DPP10: variants seen among roughly 807,000 people sequenced by gnomAD.
DPP10 encodes the protein inactive dipeptidyl peptidase 10.
In DPP10, 33 loss-of-function variants were observed where a neutral mutation model predicts 120.9. That is an observed-to-expected ratio of 0.27 (90% confidence interval 0.21 to 0.37). DPP10 has a LOEUF of 0.37. Ranked by LOEUF, DPP10 falls within the 10% of genes least tolerant of loss-of-function variation. The probability of loss-of-function intolerance (pLI) is 1.00; values close to 1 mark genes in which losing one functional copy is unlikely to be tolerated. For missense variants in DPP10, 816 were observed against 942.8 expected (o/e 0.87, Z 1.76); for synonymous variants, 337 against 326.1 (o/e 1.03, Z -0.36).
chr2:115,649,231 G>T (rs1340505725), intron 5 of DPP10, among the ~76,000 whole-genome samples: 2 of 152,088 alleles, frequency 1.3e-5, no homozygotes, highest in African/African-American at 4.8e-5. Context: ...AATGTTCTAT[G>T]TGAGAGGAGC....
intron 1 of DPP10, among the ~76,000 whole-genome samples, chr2:115,172,816 G>T (rs939287114): frequency 1.3e-5 from 2 of 152,180 alleles, no homozygotes; most frequent in African/African-American, 4.8e-5. Flanking sequence ...AACTATGTTG[G>T]ATGTTGAAGT....
chr2:114,648,516 G>C (rs1696312611), intron 1 of DPP10, among the ~76,000 whole-genome samples: 1 of 152,078 alleles, frequency 6.6e-6, no homozygotes, highest in Admixed American at 6.5e-5. Flanking sequence ...ACTAAATGTG[G>C]TTCCCTCCCT....
chr2:115,050,188 C>G (rs572269232), intron 1 of DPP10: 2 of 152,224 alleles, frequency 1.3e-5, no homozygotes, highest in African/African-American at 4.8e-5. Context: ...AATTGGGAGA[C>G]CATTTGTTGA....
chr2:115,844,239 C>T lies in DPP10; in HGVS notation c.*1894C>T, dbSNP rs776870740. 6.6e-6 allele frequency: 1 copy of T among 152,358 alleles called. No individual in the cohort carries two copies. The highest frequency in any genetic ancestry group is 6.6e-5 in the Admixed American group (1 of 15,242). The allele number at this position is 152,358 out of a possible 1,614,324, so 9.4% of individuals were successfully genotyped here. A position where few individuals can be genotyped will look rare whatever the true frequency, so the allele number is the denominator to read the frequency against. ...TGAAATCCAACTGAAGCTTTTTAAC[C>T]AATATTTTAAATTTGAACCACTAGA... On this transcript the variant is annotated 3_prime_UTR_variant, in exon 26 of 26. Transcript: ENST00000410059.
chr2:115,118,086 C>T (rs2049618119), intron 1 of DPP10, among the ~76,000 whole-genome samples: 1 of 152,148 alleles, frequency 6.6e-6, no homozygotes. Context: ...GGGTTCCAAT[C>T]TAGATAAATG....
chr2:115,603,858 G>A (rs1036285721), intron 5 of DPP10, among the ~76,000 whole-genome samples: 16 of 152,056 alleles, frequency 1.1e-4, no homozygotes, highest in Non-Finnish European at 1.8e-4. Flanking sequence ...TTATTATGTA[G>A]CAATCTTTAC....
At chr2:115,771,543 G>A (rs75024505) in intron 13 of DPP10, among the ~76,000 whole-genome samples, 1 of 152,100 alleles carries the variant, frequency 6.6e-6, no homozygotes, top group South Asian at 2.1e-4. Flanking sequence ...ATATCCATAC[G>A]AATGTATTTG....
At chr2:114,524,519 C>A (rs923194570) in intron 1 of DPP10, among the ~76,000 whole-genome samples, 3 of 152,178 alleles carry the variant, frequency 2.0e-5, no homozygotes, top group African/African-American at 7.2e-5. Flanking sequence ...TGAAGCTATG[C>A]AGAACAGGTT....
chr2:115,293,330 GT>G (rs2060741176), intron 1 of DPP10, among the ~76,000 whole-genome samples: 1 of 152,040 alleles, frequency 6.6e-6, no homozygotes, highest in Non-Finnish European at 1.5e-5. Flanking sequence ...TGAACCGAAT[GT>G]TTCCTTATCC....
intron 5 of DPP10, among the ~76,000 whole-genome samples, chr2:115,643,380 A>C (rs2149355279): frequency 6.6e-6 from 1 of 152,298 alleles, no homozygotes; most frequent in East Asian, 1.9e-4. Context: ...AGGATTGCTA[A>C]TAAAGAATAG....
intron 1 of DPP10, among the ~76,000 whole-genome samples, chr2:114,829,718 A>G (rs1686912467): frequency 2.6e-5 from 4 of 151,760 alleles, no homozygotes; most frequent in African/African-American, 9.7e-5. Flanking sequence ...CAAGTTATGT[A>G]TCTTCTTAAA....
chr2:115,478,518 A>T (rs1396349932), intron 3 of DPP10, among the ~76,000 whole-genome samples: 2 of 152,216 alleles, frequency 1.3e-5, no homozygotes, highest in Admixed American at 6.5e-5. Context: ...TGGAAATGAC[A>T]TCAAATGCAC....
intron 1 of DPP10, among the ~76,000 whole-genome samples, chr2:114,623,775 C>T (rs1573817786): frequency 6.6e-6 from 1 of 152,034 alleles, no homozygotes; most frequent in South Asian, 2.1e-4. Flanking sequence ...AACTTTGGTG[C>T]ATTGTCTAAA....
intron 4 of DPP10, among the ~76,000 whole-genome samples, chr2:115,499,969 ATTCT>A (rs1316527242): frequency 6.6e-6 from 1 of 151,882 alleles, no homozygotes; most frequent in Non-Finnish European, 1.5e-5. Context: ...TTTACTTTTC[ATTCT>A]TTCTGACTTC....
At chr2:115,605,589 G>C (rs542362863) in intron 5 of DPP10, among the ~76,000 whole-genome samples, 2 of 152,084 alleles carry the variant, frequency 1.3e-5, no homozygotes, top group South Asian at 4.1e-4. Context: ...AAGAGGGGTG[G>C]AAAGAAAGAA....
chr2:114,523,461 G>T (rs931464505), intron 1 of DPP10, among the ~76,000 whole-genome samples: 1 of 152,120 alleles, frequency 6.6e-6, no homozygotes, highest in Non-Finnish European at 1.5e-5. Context: ...GTTTCCCAAT[G>T]GTGTCTCCTG....
At chr2:115,236,072 C>T (rs531891577) in intron 1 of DPP10, among the ~76,000 whole-genome samples, 6 of 152,254 alleles carry the variant, frequency 3.9e-5, no homozygotes, top group Non-Finnish European at 5.9e-5. Context: ...TATACATACT[C>T]CCCCTCCAAA....
chr2:115,501,341 A>AT (rs1171989830), intron 4 of DPP10, among the ~76,000 whole-genome samples: 1 of 152,062 alleles, frequency 6.6e-6, no homozygotes, highest in African/African-American at 2.4e-5. Flanking sequence ...GAACTTTTAG[A>AT]TTATTATTCC....
intron 1 of DPP10, among the ~76,000 whole-genome samples, chr2:114,956,682 C>T (rs569875321): frequency 6.6e-6 from 1 of 152,014 alleles, no homozygotes; most frequent in Non-Finnish European, 1.5e-5. Context: ...ATCATGCTAC[C>T]TGACTTTAAT....
Sources: allele counts gnomAD v4.1 joint callset (sites outside exome capture counted in the v4.1 genomes callset), GRCh38; gene constraint gnomAD v4.1.1; transcripts MANE v1.5; gene names NCBI Gene and HGNC (gene_info 2026-07-23, HGNC 2026-07-21).